SNX27: variants seen among roughly 807,000 people sequenced by gnomAD.
SNX27 encodes sorting nexin-27.
In SNX27, 22 loss-of-function variants were observed where a neutral mutation model predicts 71.6. The observed-to-expected ratio is 0.31, with a 90% CI of 0.22 to 0.44. The LOEUF is 0.44. SNX27 is among the 20% of genes least tolerant of loss of function. The pLI is 1.00. For synonymous variants in SNX27, 269 were observed against 277.2 expected (o/e 0.97, Z 0.29); for missense variants, 531 against 698.6 (o/e 0.76, Z 2.70).
At chr1:151,619,394 G>T (rs1427537665) in intron 1 of SNX27, among the ~76,000 whole-genome samples, 1 of 152,010 alleles carries the variant, frequency 6.6e-6, no homozygotes, top group Non-Finnish European at 1.5e-5. Context: ...CAGTTTTTTT[G>T]GTTTCTTTTT....
At chr1:151,630,030 G>A (rs1668145926) in intron 1 of SNX27, among the ~76,000 whole-genome samples, 1 of 151,298 alleles carries the variant, frequency 6.6e-6, no homozygotes, top group East Asian at 2.0e-4. Context: ...AGAATCGCTT[G>A]AACCCGGGAG....
intron 2 of SNX27, among the ~76,000 whole-genome samples, chr1:151,647,132 C>CTTTT (rs56999871): frequency 7.7e-6 from 1 of 130,324 alleles, no homozygotes; most frequent in Non-Finnish European, 1.6e-5. Context: ...ATCTCTATTA[C>CTTTT]TTTTTTTTTT....
In SNX27 at chr1:151,636,666, T is replaced by TAAA. The variant is rs11333472; in HGVS notation, c.312-2200_312-2198dup. 2.9e-3 allele frequency among the ~76,000 whole-genome samples: 282 copies of TAAA among 97,530 alleles called. 1 individual carries two copies. Among genetic ancestry groups the TAAA allele is most frequent in the African/African-American group, 9.6e-3 (256 of 26,658 alleles). The allele number at this position is 97,530 out of a possible 152,430, so 64.0% of individuals were successfully genotyped here. On this transcript the variant is annotated intron_variant, in intron 1 of 11. Transcript: ENST00000458013. ...AAGGTGTCAGCTTTTTCCACTTTTG[T>TAAA]AAAAAAAAAAAAAAAAAAAAAAAAG...
chr1:151,696,822 T>C lies in SNX27; in HGVS notation c.*2405T>C, dbSNP rs1209292045. 6.6e-6 allele frequency: 1 copy of C among 152,004 alleles called. No homozygotes were observed. Among genetic ancestry groups the C allele is most frequent in the Non-Finnish European group, 1.5e-5 (1 of 68,028 alleles). 9.4% of individuals were successfully genotyped at this position (152,004 alleles called of 1,614,324 possible). A position where few individuals can be genotyped will look rare whatever the true frequency, so the allele number is the denominator to read the frequency against. On this transcript the variant is annotated 3_prime_UTR_variant, in exon 12 of 12. Transcript: ENST00000458013. Reference sequence around the variant, plus strand: ...ACACCACCACGCCCCACTAATTTTTTGTATTTTTGGTAGGGCGGGGTTTCA... The same window carrying C: ...ACACCACCACGCCCCACTAATTTTTCGTATTTTTGGTAGGGCGGGGTTTCA...
At chr1:151,694,048 A>G in intron 11 of SNX27, 1 of 1,229,198 alleles carries the variant, frequency 8.1e-7, no homozygotes, top group Admixed American at 4.0e-5. Context: ...ATTTTAGTAC[A>G]GTAGAAAGAA....
chr1:151,612,089 G>C lies in SNX27; in HGVS notation c.-113G>C, dbSNP rs1667198789. On this transcript the variant is annotated 5_prime_UTR_variant, in exon 1 of 12. Coordinates refer to ENST00000458013, the MANE Select transcript of SNX27 (RefSeq NM_001330723.2). The surrounding 1 kb of genome is among the most constrained non-coding windows in gnomAD (Gnocchi z 5.2). ...GCTCGGTGGCCGAGTCGGTCCCGCG[G>C]CCGGCGGATCGGGCGCGCGCGTCGG... The C allele has an allele frequency of 8.6e-7, 1 of 1,169,448 alleles. No homozygotes were observed. The highest frequency in any genetic ancestry group is 3.2e-5 in the East Asian group (1 of 31,176). 72.4% of individuals were successfully genotyped at this position (1,169,448 alleles called of 1,614,324 possible). A position where few individuals can be genotyped will look rare whatever the true frequency, so the allele number is the denominator to read the frequency against.
chr1:151,666,591 G>C (rs1670199282), intron 6 of SNX27: 1 of 152,194 alleles, frequency 6.6e-6, no homozygotes, highest in Non-Finnish European at 1.5e-5. Flanking sequence ...GGCTCTCTCT[G>C]AATGACATAG....
chr1:151,694,184 TA>T, intron 11 of SNX27, 185 bp from the exon 12 acceptor site: 1 of 1,363,828 alleles, frequency 7.3e-7, no homozygotes, highest in Non-Finnish European at 9.4e-7. Flanking sequence ...CTGAACCACG[TA>T]ATTAATATCC....
chr1:151,634,298 C>T (rs375763773), intron 1 of SNX27, among the ~76,000 whole-genome samples: 8 of 152,130 alleles, frequency 5.3e-5, no homozygotes, highest in African/African-American at 1.2e-4. Context: ...TTATTACTTT[C>T]GTGCATGTCA....
intron 2 of SNX27, among the ~76,000 whole-genome samples, chr1:151,646,192 T>C (rs1669026297): frequency 6.6e-6 from 1 of 152,166 alleles, no homozygotes; most frequent in Admixed American, 6.5e-5. Context: ...ATGTCACCTT[T>C]CTTTCGGTTA....
At chr1:151,675,886 G>A (rs1347380645) in intron 7 of SNX27, 1 of 121,974 alleles carries the variant, frequency 8.2e-6, no homozygotes, top group South Asian at 2.7e-4. Flanking sequence ...GAGTGCAATG[G>A]TGTGATCATA....
chr1:151,633,152 T>G (rs1668317217), intron 1 of SNX27, among the ~76,000 whole-genome samples: 1 of 151,930 alleles, frequency 6.6e-6, no homozygotes. Flanking sequence ...GATTACAGGC[T>G]TGAGCCACCG....
intron 2 of SNX27, among the ~76,000 whole-genome samples, chr1:151,656,851 A>G (rs1669719333): frequency 6.6e-6 from 1 of 152,218 alleles, no homozygotes; most frequent in African/African-American, 2.4e-5. Flanking sequence ...TATTAACTGA[A>G]AAAAGTAAGT....
chr1:151,624,493 G>T (rs559975702), intron 1 of SNX27, among the ~76,000 whole-genome samples: 2 of 147,372 alleles, frequency 1.4e-5, no homozygotes, highest in Non-Finnish European at 3.0e-5. Context: ...GTGCAGTGGC[G>T]TGATCTTGGC....
intron 7 of SNX27, chr1:151,669,021 G>A (rs1670340105): frequency 6.4e-6 from 1 of 155,772 alleles, no homozygotes; most frequent in African/African-American, 2.4e-5. Context: ...TCCCCCCATA[G>A]GCAACCACCT....
chr1:151,693,408 C>T lies in SNX27; in HGVS notation c.1519-16C>T, dbSNP rs1454576598. On this transcript the variant is annotated splice_polypyrimidine_tract_variant and intron_variant, in intron 10 of 11. Coordinates refer to ENST00000458013, the MANE Select transcript of SNX27 (RefSeq NM_001330723.2). ...GCTCTTGAGAAGTTAGTGAGTGTCA[C>T]CACCTTTTTTTTCAGTTCAATTACA... 1.2e-6 allele frequency: 2 copies of T among 1,613,894 alleles called. No homozygotes were observed. The highest frequency in any genetic ancestry group is 1.7e-6 in the Non-Finnish European group (2 of 1,179,814).
rs1487961883 is a variant in SNX27, at chr1:151,692,412, T to TC, written c.1240-23_1240-22insC. The TC allele has an allele frequency of 3.0e-6, 4 of 1,326,942 alleles. No individual in the cohort carries two copies. In the African/African-American group the frequency reaches 6.5e-5, roughly 21 times the overall value. The allele number at this position is 1,326,942 out of a possible 1,614,324, so 82.2% of individuals were successfully genotyped here. A position where few individuals can be genotyped will look rare whatever the true frequency, so the allele number is the denominator to read the frequency against. On this transcript the variant is annotated intron_variant, in intron 8 of 11. Coordinates refer to ENST00000458013, the MANE Select transcript of SNX27 (RefSeq NM_001330723.2). ...TGTTTCCTGTTTCTCCTTCCTTTTT[T>TC]TTTTTTTTTTTTTTTTTTTTAGTAC...
intron 4 of SNX27, 65 bp from the exon 5 acceptor site, chr1:151,662,101 G>C: frequency 2.7e-6 from 3 of 1,117,010 alleles, no homozygotes; most frequent in Non-Finnish European, 4.0e-6. Context: ...TGTCTAGCTA[G>C]CTTGTTACAG....
chr1:151,641,631 CAT>C (rs1329613773), intron 2 of SNX27, among the ~76,000 whole-genome samples: 2 of 54,534 alleles, frequency 3.7e-5, no homozygotes, highest in Non-Finnish European at 8.5e-5. Context: ...ATATATATAT[CAT>C]ATGTATCATA....
Sources: gnomAD v4.1 joint callset for allele counts (sites outside exome capture counted in the v4.1 genomes callset) on GRCh38, gnomAD v4.1.1 for gene constraint, Gnocchi (gnomAD v3.1) non-coding constraint, MANE v1.5 for transcripts, NCBI Gene and HGNC (gene_info 2026-07-23, HGNC 2026-07-21) for gene names.